Variants in PAX2 observed in about 807,000 individuals in gnomAD.
PAX2 encodes paired box 2.
In PAX2, 9 loss-of-function variants were observed where a neutral mutation model predicts 41.7. The ratio of observed to expected loss-of-function variants is 0.22; its 90% CI spans 0.13 to 0.38. The LOEUF (loss-of-function observed/expected upper bound fraction) is 0.38, where lower values mean the gene tolerates loss of function less well. Ranked by LOEUF, PAX2 falls within the 10% of genes least tolerant of loss-of-function variation. The pLI, the probability that PAX2 is intolerant of heterozygous loss-of-function variation, is 1.00. For synonymous variants in PAX2, 221 were observed against 212.7 expected, an observed-to-expected ratio of 1.04 and a Z score of -0.34; for missense variants, 418 against 531.6, an observed-to-expected ratio of 0.79 and a Z score of 2.10.
At chr10:100,751,589 C>A (rs1845445577) in intron 3 of PAX2, among the ~76,000 whole-genome samples, 1 of 152,232 alleles carries the variant, frequency 6.6e-6, no homozygotes, top group African/African-American at 2.4e-5. Flanking sequence ...GCACTGATGA[C>A]AGGCTCACAC....
intron 5 of PAX2, among the ~76,000 whole-genome samples, chr10:100,801,482 G>C (rs939139027): frequency 3.9e-5 from 6 of 152,204 alleles, no homozygotes; most frequent in Non-Finnish European, 5.9e-5. Flanking sequence ...ACCTGTAGTA[G>C]CTCACCCCCT....
In PAX2 at chr10:100,803,153, CAGAG is replaced by C. The variant is rs1288884794; in HGVS notation, c.617-3275_617-3272del. Among the ~76,000 whole-genome samples the C allele has an allele frequency of 6.4e-3, 967 of 152,256 alleles. 14 individuals carry two copies. The highest frequency in any genetic ancestry group is 0.022 in the African/African-American group (927 of 41,544). On this transcript the variant is annotated intron_variant, in intron 5 of 9. Transcript: ENST00000355243. ...AAGCCACCCTCATCCAGGCCCTGGG[CAGAG>C]AAGGTATCAGGACACCCAGTCTTCA... is the stretch of plus-strand genomic sequence containing the variant.
In PAX2 at chr10:100,781,234, C is replaced by T. The variant is rs1846608763; in HGVS notation, c.497-12C>T. On this transcript the variant is annotated splice_polypyrimidine_tract_variant and intron_variant, in intron 4 of 9. Transcript: ENST00000355243. ...GCTATCCTGATGCCATTTCCTCCTT[C>T]CTCTCATCCAGTTCCCAGCACGGCC... 5.0e-6 allele frequency: 8 copies of T among 1,614,032 alleles called. No homozygotes were observed. Among genetic ancestry groups the T allele is most frequent in the Non-Finnish European group, 6.8e-6 (8 of 1,179,904 alleles).
chr10:100,814,212 C>T (rs1187134050), intron 7 of PAX2, among the ~76,000 whole-genome samples: 1 of 151,774 alleles, frequency 6.6e-6, no homozygotes, highest in African/African-American at 2.4e-5. Flanking sequence ...ATTAGCCGGG[C>T]GTGGTGGCAG....
chr10:100,776,462 T>C (rs1448587858), intron 3 of PAX2, among the ~76,000 whole-genome samples: 1 of 152,236 alleles, frequency 6.6e-6, no homozygotes, highest in Non-Finnish European at 1.5e-5. Context: ...AACTGACCTA[T>C]CTTGGTTCTG....
In PAX2 at chr10:100,746,092, G is replaced by T. The variant is rs1845156321; in HGVS notation, c.-169G>T. On this transcript the variant is annotated 5_prime_UTR_variant, in exon 1 of 10. Coordinates refer to ENST00000355243, the MANE Select transcript of PAX2 (RefSeq NM_000278.5). ...CTCCGGCCAACCCGGAGGAGCCCCA[G>T]CGGGGAGCGCAGTGCTGCGCCCCCC... 6.6e-7 allele frequency: 1 copy of T among 1,516,964 alleles called. No individual in the cohort carries two copies. Among genetic ancestry groups the T allele is most frequent in the Non-Finnish European group, 8.8e-7 (1 of 1,141,648 alleles). 94.0% of individuals were successfully genotyped at this position (1,516,964 alleles called of 1,614,324 possible). A position where few individuals can be genotyped will look rare whatever the true frequency, so the allele number is the denominator to read the frequency against.
At chr10:100,800,273 CTTTTTTTTTTTTTTT>C (rs59487758) in intron 5 of PAX2, among the ~76,000 whole-genome samples, 1 of 108,386 alleles carries the variant, frequency 9.2e-6, no homozygotes, top group African/African-American at 4.3e-5. Flanking sequence ...TCTTTTCTTT[CTTTTTTTTTTTTTTT>C]TTTTTTTTTG....
intron 5 of PAX2, among the ~76,000 whole-genome samples, chr10:100,801,577 A>G (rs1040438191): frequency 6.6e-6 from 1 of 152,230 alleles, no homozygotes; most frequent in African/African-American, 2.4e-5. Context: ...GACCTTGGAA[A>G]AGTCACTGCC....
In PAX2 at chr10:100,828,036, C is replaced by T. The variant is rs1848651045; in HGVS notation, c.*417C>T. 4.0e-6 allele frequency: 1 copy of T among 248,810 alleles called. No individual in the cohort carries two copies. 15.4% of individuals were successfully genotyped at this position (248,810 alleles called of 1,614,324 possible). On this transcript the variant is annotated 3_prime_UTR_variant, in exon 10 of 10. Coordinates refer to ENST00000355243, the MANE Select transcript of PAX2 (RefSeq NM_000278.5). This position sits in a 1 kb window ranked among gnomAD's most constrained non-coding sequence, Gnocchi z 6.5. ...GACACACAATCAGCGCGGACCGCAGCGCGGCCCAGCCCCGGGCACCCGCCT... is the reference window on the plus strand; with the variant it reads ...GACACACAATCAGCGCGGACCGCAGTGCGGCCCAGCCCCGGGCACCCGCCT...
At chr10:100,813,987 C>T (rs1848094536) in intron 7 of PAX2, among the ~76,000 whole-genome samples, 1 of 152,052 alleles carries the variant, frequency 6.6e-6, no homozygotes, top group Admixed American at 6.6e-5. Flanking sequence ...AGTTAACATC[C>T]CCCCAAGACC....
Position 100,779,576 on chromosome 10 carries a change from C to T in PAX2, c.489C>T (p.His163=). ...GGACAGGAGTGACCGCCCCTGGCCA[C>T]ACCATTGGTAAGAGGGCTCAGGGAA... ...GAGTGVTAPG[H]TIVPSTASPP... is the part of the protein sequence containing the mutation. The change falls in exon 4 of 10, where the codon CAC becomes CAT. Residue 163 remains histidine (H), a synonymous_variant. Coordinates refer to ENST00000355243, the MANE Select transcript of PAX2 (RefSeq NM_000278.5). The T allele has an allele frequency of 1.3e-6, 2 of 1,584,524 alleles. No individual in the cohort carries two copies. Among genetic ancestry groups the T allele is most frequent in the Non-Finnish European group, 1.7e-6 (2 of 1,164,716 alleles).
intron 1 of PAX2, among the ~76,000 whole-genome samples, chr10:100,739,000 C>G (rs2133810437): frequency 7.7e-6 from 1 of 129,978 alleles, no homozygotes; most frequent in African/African-American, 2.9e-5. Flanking sequence ...TAATCCGTCG[C>G]GCGCGCGCAC....
chr10:100,770,201 A>G (rs143279853), intron 3 of PAX2, among the ~76,000 whole-genome samples: 2 of 152,308 alleles, frequency 1.3e-5, no homozygotes, highest in South Asian at 4.1e-4. Context: ...GGAGGTGAGC[A>G]TGCCTGTGGT....
intron 7 of PAX2, among the ~76,000 whole-genome samples, chr10:100,822,875 C>T (rs1390992525): frequency 6.6e-6 from 1 of 152,188 alleles, no homozygotes; most frequent in Admixed American, 6.5e-5. Flanking sequence ...CACAGAGTTT[C>T]ATTTCAAACT....
rs550821686 is a variant in PAX2, at chr10:100,793,241, TC to T, written c.616+11880del. Reference sequence around the variant, plus strand: ...AGCTAGACGCTCAGTGAGCCCTCCTTCCCCACCAGCCCCTGCAGCAGGCCAG... The same window carrying T: ...AGCTAGACGCTCAGTGAGCCCTCCTTCCCACCAGCCCCTGCAGCAGGCCAG... On this transcript the variant is annotated intron_variant, in intron 5 of 9. Transcript: ENST00000355243. Among the ~76,000 whole-genome samples, 32 of 152,178 alleles carry T rather than the reference TC, an allele frequency of 2.1e-4. No individual in the cohort carries two copies. The South Asian group carries it at 6.0e-3, about 29-fold the overall frequency.
intron 3 of PAX2, among the ~76,000 whole-genome samples, chr10:100,775,008 G>A (rs1213673964): frequency 6.6e-6 from 1 of 152,224 alleles, no homozygotes; most frequent in Non-Finnish European, 1.5e-5. Flanking sequence ...AGCATCTTGT[G>A]AAGGAAAGAG....
At chr10:100,746,525 C>T (rs1845181463) in intron 1 of PAX2, among the ~76,000 whole-genome samples, 2 of 152,202 alleles carry the variant, frequency 1.3e-5, no homozygotes, top group Admixed American at 1.3e-4. Flanking sequence ...GTCTGCCTGC[C>T]TTCCTACCTT....
chr10:100,744,321 G>C (rs548724407), upstream of PAX2, among the ~76,000 whole-genome samples: 146 of 152,368 alleles, frequency 9.6e-4, no homozygotes, highest in Middle Eastern at 6.8e-3. Flanking sequence ...CGGGGGGAGG[G>C]AGCGAAGGAG....
chr10:100,782,651 G>A (rs1846678187), intron 5 of PAX2, among the ~76,000 whole-genome samples: 2 of 152,264 alleles, frequency 1.3e-5, no homozygotes, highest in African/African-American at 4.8e-5. Flanking sequence ...TAATGGCCTC[G>A]TTTCACAGGG....
Sources: gnomAD v4.1 joint callset for allele counts (sites outside exome capture counted in the v4.1 genomes callset) on GRCh38, gnomAD v4.1.1 for gene constraint, Gnocchi (gnomAD v3.1) non-coding constraint, MANE v1.5 for transcripts, NCBI Gene and HGNC (gene_info 2026-07-23, HGNC 2026-07-21) for gene names.